The following PRKG1 variants were observed in gnomAD, a reference collection of about 807,000 sequenced individuals.
The protein encoded by PRKG1 is protein kinase cGMP-dependent 1, also known as cGMP-dependent protein kinase 1.
Under a neutral mutation model 88.1 loss-of-function variants are expected in PRKG1, and 35 were observed. The ratio of observed to expected loss-of-function variants is 0.40; its 90% CI spans 0.30 to 0.53. The LOEUF (loss-of-function observed/expected upper bound fraction) is 0.53. Among genes scored for constraint, PRKG1 ranks in the 20% least tolerant of loss-of-function variants. PRKG1 has a pLI of 0.59. For missense variants in PRKG1, 540 were observed against 839.8 expected (o/e 0.64, Z 4.41); for synonymous variants, 303 against 292.5 (o/e 1.04, Z -0.37).
At chr10:51,197,699 G>C (rs1326458139) in intron 2 of PRKG1, among the ~76,000 whole-genome samples, 1 of 151,636 alleles carries the variant, frequency 6.6e-6, no homozygotes. Context: ...TCATTAAAAG[G>C]CTATCTCCTC....
chr10:51,130,447 C>T (rs1845536212), intron 1 of PRKG1, among the ~76,000 whole-genome samples: 1 of 152,184 alleles, frequency 6.6e-6, no homozygotes. Context: ...GCTCCTCCAT[C>T]TCTCTTCATC....
intron 3 of PRKG1, among the ~76,000 whole-genome samples, chr10:51,494,549 G>A (rs1376330155): frequency 6.6e-6 from 1 of 152,196 alleles, no homozygotes; most frequent in Non-Finnish European, 1.5e-5. Flanking sequence ...GCAGAGAACT[G>A]TAATTAACTG....
At chr10:51,908,725 C>CTATCTATATATATATA (rs1299574623) in intron 5 of PRKG1, 10 of 60,580 alleles carry the variant, frequency 1.7e-4, no homozygotes, top group East Asian at 1.5e-3. Flanking sequence ...GTCTATCTAT[C>CTATCTATATATATATA]TATATGTAAT....
At chr10:51,729,920 T>G (rs1842232447) in intron 3 of PRKG1, among the ~76,000 whole-genome samples, 1 of 152,100 alleles carries the variant, frequency 6.6e-6, no homozygotes, top group Admixed American at 6.6e-5. Context: ...ATTTTTCATG[T>G]ACTCCCTGCT....
intron 3 of PRKG1, among the ~76,000 whole-genome samples, chr10:51,669,191 C>T (rs190749296): frequency 6.6e-6 from 1 of 152,292 alleles, no homozygotes; most frequent in Admixed American, 6.5e-5. Context: ...ACTTAAACAA[C>T]AGCCATTTAT....
chr10:51,062,326 GCTTA>G (rs1420228702), intron 1 of PRKG1, among the ~76,000 whole-genome samples: 5 of 152,222 alleles, frequency 3.3e-5, no homozygotes, highest in African/African-American at 1.2e-4. Context: ...TCTAATTTAT[GCTTA>G]CTTACTTATT....
intron 5 of PRKG1, among the ~76,000 whole-genome samples, chr10:51,996,314 C>CAAAAAAAAAAAAAAAAAA: frequency 6.7e-5 from 2 of 30,008 alleles, no homozygotes; most frequent in Non-Finnish European, 1.1e-4. Flanking sequence ...GACTCCATCT[C>CAAAAAAAAAAAAAAAAAA]AAAAAAAAAA....
At chr10:51,400,418 A>G (rs1335220356) in intron 2 of PRKG1, among the ~76,000 whole-genome samples, 1 of 152,188 alleles carries the variant, frequency 6.6e-6, no homozygotes, top group East Asian at 1.9e-4. Flanking sequence ...AGCCAACCAC[A>G]CAGATAATGG....
chr10:52,125,854 A>G (rs933748298), intron 7 of PRKG1: 3 of 152,150 alleles, frequency 2.0e-5, no homozygotes, highest in African/African-American at 7.2e-5. Flanking sequence ...TTTCTTTGGC[A>G]TATCAGAATT....
At chr10:51,935,223 T>G (rs948498829) in intron 5 of PRKG1, among the ~76,000 whole-genome samples, 6 of 152,142 alleles carry the variant, frequency 3.9e-5, no homozygotes, top group African/African-American at 1.4e-4. Context: ...TTCTAAATCT[T>G]AGAGAAGTGC....
At chr10:51,649,879 G>A (rs530256706) in intron 3 of PRKG1, among the ~76,000 whole-genome samples, 21 of 152,296 alleles carry the variant, frequency 1.4e-4, no homozygotes, top group African/African-American at 3.8e-4. Context: ...GCCAACTAGA[G>A]GCTGAAATGA....
chr10:51,979,974 T>C (rs1395886574), intron 5 of PRKG1, among the ~76,000 whole-genome samples: 2 of 152,120 alleles, frequency 1.3e-5, no homozygotes, highest in Non-Finnish European at 2.9e-5. Flanking sequence ...TGTGTCCCAG[T>C]CTCCATCAAT....
At chr10:52,150,152 TAATAATA>T (rs1837864912) in intron 8 of PRKG1, among the ~76,000 whole-genome samples, 1 of 68,950 alleles carries the variant, frequency 1.5e-5, no homozygotes, top group Non-Finnish European at 4.0e-5. Context: ...CATCTCAAAA[TAATAATA>T]ATAATAATAA....
In PRKG1 at chr10:50,991,447, G is replaced by A; in HGVS notation, c.69G>A (p.Glu23=). ...AGGAGGAGAGGATCAAAGAGCTGGA[G>A]AAGCGGCTGTCAGAGAAGGAGGAAG... is the stretch of plus-strand genomic sequence containing the variant. The change falls in exon 1 of 18, where the codon GAG becomes GAA. Residue 23 remains glutamate (E), a synonymous_variant. Coordinates refer to the PRKG1 transcript ENST00000401604. The surrounding 1 kb of genome is among the most constrained non-coding windows in gnomAD (Gnocchi z 4.5). The A allele has an allele frequency of 6.2e-7, 1 of 1,601,934 alleles. No individual in the cohort carries two copies. The highest frequency in any genetic ancestry group is 8.5e-7 in the Non-Finnish European group (1 of 1,174,622).
chr10:51,852,049 T>C (rs1198670979), intron 4 of PRKG1, among the ~76,000 whole-genome samples: 3 of 151,792 alleles, frequency 2.0e-5, no homozygotes, highest in Non-Finnish European at 4.4e-5. Flanking sequence ...TATTTTAACA[T>C]GTTGGAGAAA....
chr10:51,721,818 A>C (rs1186019510), intron 3 of PRKG1, among the ~76,000 whole-genome samples: 1 of 152,228 alleles, frequency 6.6e-6, no homozygotes, highest in African/African-American at 2.4e-5. Flanking sequence ...TTTTCAGTCT[A>C]TAACCATGTA....
At chr10:50,992,969 C>A (rs1049086687) in intron 1 of PRKG1, among the ~76,000 whole-genome samples, 1 of 151,810 alleles carries the variant, frequency 6.6e-6, no homozygotes, top group Non-Finnish European at 1.5e-5. Flanking sequence ...CTAAACTAGT[C>A]CCCCTCTCTC....
At chr10:52,073,198 G>A (rs1472058747) in intron 7 of PRKG1, among the ~76,000 whole-genome samples, 2 of 152,074 alleles carry the variant, frequency 1.3e-5, no homozygotes, top group Admixed American at 6.5e-5. Flanking sequence ...TTCTTTATGA[G>A]AACACCAGTC....
At chr10:51,987,881 T>G (rs1844204298) in intron 5 of PRKG1, among the ~76,000 whole-genome samples, 1 of 152,054 alleles carries the variant, frequency 6.6e-6, no homozygotes. Flanking sequence ...TTAATGAAAT[T>G]ATAAAGTTTG....
Sources: allele counts gnomAD v4.1 joint callset (sites outside exome capture counted in the v4.1 genomes callset), GRCh38; gene constraint gnomAD v4.1.1; non-coding constraint Gnocchi (gnomAD v3.1); transcripts MANE v1.5; gene names NCBI Gene and HGNC (gene_info 2026-07-23, HGNC 2026-07-21).